Variants in PLEC observed in about 807,000 individuals in gnomAD.
PLEC encodes plectin, also known as hemidesmosomal protein 1.
A neutral mutation model predicts 392.8 loss-of-function variants in PLEC; 216 were observed. The ratio of observed to expected loss-of-function variants is 0.55; its 90% CI spans 0.49 to 0.62. The LOEUF (loss-of-function observed/expected upper bound fraction) is 0.62, where lower values mean the gene tolerates loss of function less well. Ranked by LOEUF, PLEC falls within the 20% of genes least tolerant of loss-of-function variation. The pLI, the probability that PLEC is intolerant of heterozygous loss-of-function variation, is 0.00. For synonymous variants in PLEC, 3,621 were observed against 2,980.6 expected (o/e 1.21, Z -7.00); for missense variants, 6,863 against 6,563.4 (o/e 1.05, Z -1.58).
chr8:143,930,908 G>A (rs79961445), intron 19 of PLEC, among the ~76,000 whole-genome samples: 2,344 of 152,212 alleles, frequency 0.015, 59 homozygotes, highest in African/African-American at 0.054. Context: ...ACACACCTGG[G>A]AGCTGCCGGC....
At position 143,932,052 on chromosome 8, in the gene PLEC, G is replaced by C. The variant is rs374681191; in HGVS notation, c.2083-20C>G. 9.6e-6 allele frequency: 15 copies of C among 1,566,816 alleles called. No individual in the cohort carries two copies. The highest frequency in any genetic ancestry group is 2.3e-4 in the Middle Eastern group (1 of 4,426). ...GAAGGACTGCGGGACAGCAGGTCCC[G>C]GTCAGGCCCCGCCCCGCCCCGCCTG... On this transcript the variant is annotated intron_variant, in intron 17 of 31. Coordinates refer to ENST00000345136, the MANE Select transcript of PLEC (RefSeq NM_201384.3).
Position 143,933,040 on chromosome 8 carries a change from G to C in PLEC, c.1490C>G (p.Ala497Gly). The change falls in exon 14 of 32, where the codon GCG becomes GGG. Residue 497 changes from alanine (A) to glycine (G), a missense_variant. By Grantham distance (60) the Ala-to-Gly change is moderately conservative. Coordinates refer to ENST00000345136, the MANE Select transcript of PLEC (RefSeq NM_201384.3). ...CTGGGCCACCTGGGTTGCAGGGGCC[G>C]CCACGCCTGCCTTCAGCCGTAGGTT... ...EYNLRLKAGV[A>G]APATQVAQVT... 6.3e-7 allele frequency: 1 copy of C among 1,594,070 alleles called. No individual in the cohort carries two copies. The highest frequency in any genetic ancestry group is 8.5e-7 in the Non-Finnish European group (1 of 1,171,870).
rs1057522823 is a variant in PLEC, at chr8:143,935,137, A to C, written c.719-20T>G. 1.9e-6 allele frequency: 3 copies of C among 1,612,396 alleles called. No individual in the cohort carries two copies. The highest frequency in any genetic ancestry group is 2.5e-6 in the Non-Finnish European group (3 of 1,179,444). On this transcript the variant is annotated intron_variant, in intron 7 of 31. Coordinates refer to ENST00000345136, the MANE Select transcript of PLEC (RefSeq NM_201384.3). ...CCACGTCTGCAGGGAAGGGCAGCTC[A>C]GCGGTGGCTCTGGGGCAGGCAGCAG...
rs781932151 is a variant in PLEC at position 143,930,487 on chromosome 8, G to C, written c.2354C>G (p.Ala785Gly). ...NEYKGHLSGL[A>G]KRAKAVVQLK... The stretch of plus-strand genomic sequence containing the variant: ...CTGCACGACGGCCTTGGCCCGCTTG[G>C]CCAGGCCTGAGAGGTGGCCCTTGTA... The change falls in exon 20 of 32, where the codon GCC becomes GGC. Residue 785 changes from alanine to glycine, a missense_variant. Physicochemically the swap from Ala to Gly is moderately conservative, Grantham distance 60 (BLOSUM62 0). Coordinates refer to ENST00000345136, the MANE Select transcript of PLEC (RefSeq NM_201384.3). The C allele has an allele frequency of 6.3e-6, 10 of 1,595,574 alleles. No homozygotes were observed. Among genetic ancestry groups the C allele is most frequent in the Non-Finnish European group, 6.8e-6 (8 of 1,171,588 alleles).
At position 143,917,036 on chromosome 8, in the gene PLEC, A is replaced by G. The variant is rs1482281132; in HGVS notation, c.12785T>C (p.Val4262Ala). 3.1e-6 allele frequency: 5 copies of G among 1,610,200 alleles called. No homozygotes were observed. Among genetic ancestry groups the G allele is most frequent in the Non-Finnish European group, 4.2e-6 (5 of 1,177,966 alleles). ...SSSSYPISPA[V>A]SRTQLASWSD... ...CCAGGAGGCCAGCTGGGTCCTGGAG[A>G]CGGCGGGGCTGATGGGGTAGGAGGA... The change falls in exon 32 of 32, where the codon GTC becomes GCC. Residue 4262 changes from valine (V) to alanine (A), a missense_variant. Coordinates refer to ENST00000345136, the MANE Select transcript of PLEC (RefSeq NM_201384.3).
At chr8:143,950,365 G>C (rs1554735357) in exon 1 of PLEC, 1 of 1,591,374 alleles carries the variant, frequency 6.3e-7, no homozygotes, top group South Asian at 1.1e-5. Context: ...CCTGCACGTG[G>C]GGGGTGCGGC....
chr8:143,932,579 C>G lies in PLEC; in HGVS notation c.1816-18G>C. 1 of 1,612,298 alleles carries G rather than the reference C, an allele frequency of 6.2e-7. No homozygotes were observed. The highest frequency in any genetic ancestry group is 8.5e-7 in the Non-Finnish European group (1 of 1,179,912). On this transcript the variant is annotated intron_variant, in intron 15 of 31. Transcript: ENST00000345136. ...GAGGAGTTCTGTGGGCAGGAGGGTG[C>G]GTGTCAGCAGGCCGCGGGCTACCCA... is the stretch of plus-strand genomic sequence containing the variant.
rs1554702862 is a variant in PLEC, at chr8:143,925,499, G to T, written c.4430C>A (p.Ala1477Glu). The change falls in exon 31 of 32, where the codon GCA becomes GAA. Residue 1477 changes from alanine to glutamate, a missense_variant. Ala to Glu is a moderately radical substitution (Grantham distance 107). Transcript: ENST00000345136. ...QRGGAEGELQ[A>E]LRARAEEAEA... The stretch of plus-strand genomic sequence containing the variant: ...AGCCTCCTCCGCCCGTGCACGCAGT[G>T]CCTGCAGCTCCCCCTCAGCCCCGCC... The T allele has an allele frequency of 2.5e-6, 4 of 1,596,000 alleles. No individual in the cohort carries two copies. The highest frequency in any genetic ancestry group is 3.4e-6 in the Non-Finnish European group (4 of 1,178,096).
chr8:143,919,753 G>A lies in PLEC; in HGVS notation c.10068C>T (p.Cys3356=), dbSNP rs782667756. The A allele has an allele frequency of 3.6e-5, 58 of 1,609,086 alleles. No homozygotes were observed. Among genetic ancestry groups the A allele is most frequent in the Non-Finnish European group, 4.9e-5 (58 of 1,177,498 alleles). The change falls in exon 32 of 32, where the codon TGC becomes TGT. Residue 3356 remains cysteine, a synonymous_variant. Transcript: ENST00000345136. The part of the protein sequence containing the change: ...SVRTLLQGSG[C]LAGIYLEDTK... ...TGTCCTCCAGGTAGATGCCGGCGAGGCAGCCACTGCCCTGCAGCAGCGTCC... is the reference window on the plus strand; with the variant it reads ...TGTCCTCCAGGTAGATGCCGGCGAGACAGCCACTGCCCTGCAGCAGCGTCC...
chr8:143,935,424 CA>C (rs1343054547), intron 6 of PLEC, 111 bp from the exon 7 acceptor site: 26 of 767,114 alleles, frequency 3.4e-5, no homozygotes, highest in Non-Finnish European at 5.2e-5. Context: ...TGGACCCCCC[CA>C]ACACTCACCC....
chr8:143,965,437 C>T (rs1169725444), intron 1 of PLEC, among the ~76,000 whole-genome samples: 1 of 152,236 alleles, frequency 6.6e-6, no homozygotes, highest in Non-Finnish European at 1.5e-5. Flanking sequence ...TCCACTGGGC[C>T]TACAGATGAC....
chr8:143,932,313 C>A, intron 16 of PLEC, 79 bp from the exon 17 acceptor site: 3 of 1,605,726 alleles, frequency 1.9e-6, no homozygotes, highest in East Asian at 2.2e-5. Flanking sequence ...CGACCCAGGG[C>A]CCCCACTGGT....
In PLEC at chr8:143,924,590, G is replaced by A. The variant is rs1554698233; in HGVS notation, c.5339C>T (p.Ser1780Phe). ...CCTCTGCTTGGACTTCTCGCTGGTG[G>A]AGCGCGACTCCTCCTCAGCCCTCGC... ...SKARAEEESR[S>F]TSEKSKQRLE... Residue 1780 changes from serine to phenylalanine, a missense_variant, in exon 31 of 32, where the codon TCC (serine) becomes TTC (phenylalanine). Ser to Phe is a radical substitution (Grantham distance 155). Transcript: ENST00000345136. 5.8e-6 allele frequency: 9 copies of A among 1,549,978 alleles called. No homozygotes were observed. The highest frequency in any genetic ancestry group is 1.7e-4 in the Middle Eastern group (1 of 6,004).
chr8:143,940,269 C>T (rs1374600978), upstream of PLEC, among the ~76,000 whole-genome samples: 1 of 152,230 alleles, frequency 6.6e-6, no homozygotes, highest in Non-Finnish European at 1.5e-5. Context: ...CAGGCAGACA[C>T]CTCACGTCGG....
upstream of PLEC, among the ~76,000 whole-genome samples, chr8:143,952,196 A>G (rs1554737221): frequency 8.0e-6 from 1 of 124,940 alleles, no homozygotes; most frequent in Non-Finnish European, 1.7e-5. Context: ...ACACACACAC[A>G]CACACACACA....
chr8:143,973,312 C>A lies in PLEC; in HGVS notation c.70+91G>T. On this transcript the variant is annotated intron_variant, in intron 1 of 31. Transcript: ENST00000356346. This position sits in a 1 kb window ranked among gnomAD's most constrained non-coding sequence, Gnocchi z 5.6. ...GCCGGCGGAGTGGCCGCGCTCGGGCCGGCGATCGGGACCGCCACCGTGGAC... is the reference window on the plus strand; with the variant it reads ...GCCGGCGGAGTGGCCGCGCTCGGGCAGGCGATCGGGACCGCCACCGTGGAC... 1 of 1,477,108 alleles carries A rather than the reference C, an allele frequency of 6.8e-7. No homozygotes were observed. The allele number at this position is 1,477,108 out of a possible 1,614,324, so 91.5% of individuals were successfully genotyped here. A position where few individuals can be genotyped will look rare whatever the true frequency, so the allele number is the denominator to read the frequency against.
In PLEC at chr8:143,937,010, C is replaced by T; in HGVS notation, c.404G>A (p.Gly135Asp). 2 of 1,613,082 alleles carry T rather than the reference C, an allele frequency of 1.2e-6. No homozygotes were observed. The highest frequency in any genetic ancestry group is 8.5e-7 in the Non-Finnish European group (1 of 1,179,820). The part of the protein sequence containing the change: ...IADGNPKLTL[G>D]LIWTIILHFQ... ...GTGCAGAATGATTGTCCAGATGAGG[C>T]CAAGGGTCAGCTTGGGGTTGCCGTC... Residue 135 changes from glycine to aspartate, a missense_variant, in exon 5 of 32, where the codon GGC becomes GAC. Gly to Asp is a moderately conservative substitution (Grantham distance 94). Coordinates refer to ENST00000345136, the MANE Select transcript of PLEC (RefSeq NM_201384.3).
chr8:143,937,103 C>A (rs782640028), intron 4 of PLEC, 32 bp from the exon 5 acceptor site: 3 of 1,609,432 alleles, frequency 1.9e-6, no homozygotes, highest in African/African-American at 2.7e-5. Flanking sequence ...TCACGGCCCA[C>A]AGGGCGGGGC....
chr8:143,927,725 G>T lies in PLEC; in HGVS notation c.3441C>A (p.Asp1147Glu). 6.3e-7 allele frequency: 1 copy of T among 1,593,738 alleles called. No homozygotes were observed. Among genetic ancestry groups the T allele is most frequent in the Non-Finnish European group, 8.6e-7 (1 of 1,169,162 alleles). Residue 1147 changes from aspartate (D) to glutamate (E), a missense_variant, in exon 27 of 32, where the codon GAC (aspartate) becomes GAA (glutamate). Coordinates refer to ENST00000345136, the MANE Select transcript of PLEC (RefSeq NM_201384.3). ...CCCCCCGCAGCTCATCCCGCAGGGC[G>T]TCGAACGTGGGCTGCTGTGCCTCGG... ...AQAEAQQPTF[D>E]ALRDELRGAQ...
Sources: gnomAD v4.1 joint callset for allele counts (sites outside exome capture counted in the v4.1 genomes callset) on GRCh38, gnomAD v4.1.1 for gene constraint, Gnocchi (gnomAD v3.1) non-coding constraint, MANE v1.5 for transcripts, NCBI Gene and HGNC (gene_info 2026-07-23, HGNC 2026-07-21) for gene names.